The following SLC24A2 variants were observed in gnomAD, a reference collection of about 807,000 sequenced individuals.
SLC24A2 encodes sodium/potassium/calcium exchanger 2.
Under a neutral mutation model 62.0 loss-of-function variants are expected in SLC24A2, and 36 were observed. The observed-to-expected ratio is 0.58, with a 90% CI of 0.44 to 0.77. The LOEUF is 0.77. Ranked by LOEUF, SLC24A2 falls within the 30% of genes least tolerant of loss-of-function variation. The pLI, the probability that SLC24A2 is intolerant of heterozygous loss-of-function variation, is 0.00. For missense variants in SLC24A2, 846 were observed against 817.9 expected (o/e 1.03, Z -0.42); for synonymous variants, 358 against 294.0 (o/e 1.22, Z -2.23).
the SLC24A2 span, among the ~76,000 whole-genome samples, chr9:20,094,295 A>C: frequency 6.6e-6 from 1 of 152,148 alleles, no homozygotes; most frequent in Non-Finnish European, 1.5e-5. Flanking sequence ...TTTCTGGAAA[A>C]CCCTTTTTTA....
chr9:19,608,793 TAC>T (rs111384476), intron 4 of SLC24A2, among the ~76,000 whole-genome samples: 214 of 145,358 alleles, frequency 1.5e-3, no homozygotes, highest in East Asian at 3.8e-3. Flanking sequence ...CACACACACA[TAC>T]ACACACACAC....
At chr9:20,297,567 G>C in the SLC24A2 span, among the ~76,000 whole-genome samples, 1 of 152,228 alleles carries the variant, frequency 6.6e-6, no homozygotes, top group Non-Finnish European at 1.5e-5. Context: ...ACCTGCCTCA[G>C]GGACAGTGAC....
the SLC24A2 span, among the ~76,000 whole-genome samples, chr9:19,987,200 G>C: frequency 3.3e-5 from 5 of 152,082 alleles, no homozygotes; most frequent in Non-Finnish European, 5.9e-5. Flanking sequence ...TGGGTCATGA[G>C]GGTTGGAGGT....
the SLC24A2 span, among the ~76,000 whole-genome samples, chr9:20,250,638 A>G: frequency 6.6e-6 from 1 of 151,608 alleles, no homozygotes; most frequent in Non-Finnish European, 1.5e-5. Context: ...GCTGAACACA[A>G]GAGCCTATGT....
the SLC24A2 span, among the ~76,000 whole-genome samples, chr9:20,238,450 C>T: frequency 1.3e-5 from 2 of 152,186 alleles, no homozygotes; most frequent in Non-Finnish European, 2.9e-5. Context: ...CATACCACCC[C>T]AGATCGAGGA....
the SLC24A2 span, among the ~76,000 whole-genome samples, chr9:19,808,645 G>A: frequency 2.0e-5 from 3 of 152,168 alleles, no homozygotes; most frequent in African/African-American, 4.8e-5. This position sits in a 1 kb window ranked among gnomAD's most constrained non-coding sequence, Gnocchi z 4.1. Flanking sequence ...CCCTCCCCCA[G>A]TTCCTCATTG....
chr9:19,948,279 G>A, the SLC24A2 span, among the ~76,000 whole-genome samples: 4 of 152,144 alleles, frequency 2.6e-5, no homozygotes, highest in Non-Finnish European at 4.4e-5. Flanking sequence ...GAGTTGCTAG[G>A]TTTAGGCCAA....
At chr9:19,961,205 G>A in the SLC24A2 span, among the ~76,000 whole-genome samples, 9 of 150,868 alleles carry the variant, frequency 6.0e-5, no homozygotes, top group South Asian at 2.1e-4. Flanking sequence ...TTGTGCACAC[G>A]TACCCTAAAA....
the SLC24A2 span, among the ~76,000 whole-genome samples, chr9:20,252,685 C>G: frequency 4.1e-3 from 630 of 152,268 alleles, 5 homozygotes; most frequent in African/African-American, 0.014. Context: ...ATGAATTGAA[C>G]TGGTTTTATT....
At chr9:19,624,403 A>G (rs1283250954) in intron 2 of SLC24A2, among the ~76,000 whole-genome samples, 2 of 152,202 alleles carry the variant, frequency 1.3e-5, no homozygotes, top group Non-Finnish European at 2.9e-5. Context: ...TGAATTTTAA[A>G]AAATATATCT....
At chr9:19,939,256 T>C in the SLC24A2 span, among the ~76,000 whole-genome samples, 259 of 152,348 alleles carry the variant, frequency 1.7e-3, no homozygotes, top group Non-Finnish European at 2.4e-3. Flanking sequence ...CCTTAGGTGA[T>C]TTCATCATTG....
chr9:19,654,491 T>A (rs558711401), intron 2 of SLC24A2, among the ~76,000 whole-genome samples: 59 of 152,298 alleles, frequency 3.9e-4, no homozygotes, highest in Non-Finnish European at 6.8e-4. Flanking sequence ...GATTGCTCCA[T>A]TGTGGAATCT....
At chr9:19,651,655 G>T (rs1818805340) in intron 2 of SLC24A2, among the ~76,000 whole-genome samples, 1 of 152,132 alleles carries the variant, frequency 6.6e-6, no homozygotes, top group African/African-American at 2.4e-5. Flanking sequence ...TAGGTCAAAA[G>T]GCAAAACAAA....
chr9:20,100,615 C>T, the SLC24A2 span, among the ~76,000 whole-genome samples: 1 of 152,190 alleles, frequency 6.6e-6, no homozygotes, highest in Non-Finnish European at 1.5e-5. Flanking sequence ...CAGTGTCTGA[C>T]ACTTAGTGTT....
At chr9:20,067,371 T>C in the SLC24A2 span, among the ~76,000 whole-genome samples, 1 of 152,252 alleles carries the variant, frequency 6.6e-6, no homozygotes, top group Admixed American at 6.5e-5. Context: ...TCATATTCTG[T>C]GGTGACCATA....
chr9:19,963,792 A>G, the SLC24A2 span, among the ~76,000 whole-genome samples: 80,255 of 151,860 alleles, frequency 0.53, 22,087 homozygotes, highest in Non-Finnish European at 0.6. Flanking sequence ...TAGTTCAACC[A>G]TTGTGGAAGT....
the SLC24A2 span, among the ~76,000 whole-genome samples, chr9:20,304,404 T>C: frequency 1.3e-5 from 2 of 152,290 alleles, no homozygotes; most frequent in East Asian, 3.9e-4. Flanking sequence ...TCCATTGTAA[T>C]AAACACATTT....
chr9:19,857,629 A>G, the SLC24A2 span, among the ~76,000 whole-genome samples: 1 of 152,322 alleles, frequency 6.6e-6, no homozygotes, highest in Non-Finnish European at 1.5e-5. Flanking sequence ...GCTATTATAA[A>G]TGGAAATGAT....
the SLC24A2 span, among the ~76,000 whole-genome samples, chr9:19,931,955 C>CA: frequency 6.6e-6 from 1 of 151,714 alleles, no homozygotes; most frequent in Non-Finnish European, 1.5e-5. Context: ...TTGAGTCTTA[C>CA]TTTTTCCTCC....
Sources: allele counts gnomAD v4.1 joint callset (sites outside exome capture counted in the v4.1 genomes callset), GRCh38; gene constraint gnomAD v4.1.1; non-coding constraint Gnocchi (gnomAD v3.1); transcripts MANE v1.5; gene names NCBI Gene and HGNC (gene_info 2026-07-23, HGNC 2026-07-21).